TOX3: variants seen among roughly 807,000 people sequenced by gnomAD.
The protein encoded by TOX3 is TOX high mobility group box family member 3.
A neutral mutation model predicts 64.3 loss-of-function variants in TOX3; 22 were observed. The ratio of observed to expected loss-of-function variants is 0.34; its 90% CI spans 0.24 to 0.49. The LOEUF is 0.49. Ranked by LOEUF, TOX3 falls within the 20% of genes least tolerant of loss-of-function variation. The pLI is 0.99. For synonymous variants in TOX3, 291 were observed against 273.6 expected (o/e 1.06, Z -0.63); for missense variants, 661 against 714.4 (o/e 0.93, Z 0.85).
Position 52,439,219 on chromosome 16 carries a change from G to A in TOX3, c.*6C>T. On this transcript the variant is annotated 3_prime_UTR_variant, in exon 7 of 7. Transcript: ENST00000219746. ...GTATACGCAAATCCGTCTGCCATATGCGTCTTCAGAAAATACTGACCTGCG... is the reference window on the plus strand; with the variant it reads ...GTATACGCAAATCCGTCTGCCATATACGTCTTCAGAAAATACTGACCTGCG... 1.2e-6 allele frequency: 2 copies of A among 1,613,790 alleles called. No individual in the cohort carries two copies. The highest frequency in any genetic ancestry group is 1.7e-6 in the Non-Finnish European group (2 of 1,179,822).
intron 1 of TOX3, among the ~76,000 whole-genome samples, chr16:52,539,943 A>T (rs868863029): frequency 6.6e-6 from 1 of 151,828 alleles, no homozygotes; most frequent in African/African-American, 2.4e-5. Flanking sequence ...CTTGATTCAA[A>T]TCCTTCCCAT....
chr16:52,441,284 G>T (rs1453258567), intron 6 of TOX3, among the ~76,000 whole-genome samples: 1 of 152,104 alleles, frequency 6.6e-6, no homozygotes, highest in African/African-American at 2.4e-5. Flanking sequence ...ACCATTATTG[G>T]TTTCCTCAGA....
chr16:52,513,108 A>C (rs549138835), intron 1 of TOX3, among the ~76,000 whole-genome samples: 1 of 152,314 alleles, frequency 6.6e-6, no homozygotes, highest in South Asian at 2.1e-4. Flanking sequence ...GAGCTTAAGA[A>C]AAAAGAAGTC....
chr16:52,478,583 C>T (rs1961284961), intron 1 of TOX3, among the ~76,000 whole-genome samples: 1 of 152,168 alleles, frequency 6.6e-6, no homozygotes, highest in Non-Finnish European at 1.5e-5. Flanking sequence ...GTCCATTTGT[C>T]TAGTTCAATG....
intron 1 of TOX3, among the ~76,000 whole-genome samples, chr16:52,479,723 A>G (rs1250116648): frequency 6.6e-6 from 1 of 152,202 alleles, no homozygotes; most frequent in Non-Finnish European, 1.5e-5. Context: ...ATGGAAAGAT[A>G]TGACATGCAA....
At chr16:52,477,396 C>T (rs3095620) in intron 1 of TOX3, among the ~76,000 whole-genome samples, 100,485 of 152,048 alleles carry the variant, frequency 0.66, 34,570 homozygotes, top group East Asian at 0.87. Context: ...AGCCCACACC[C>T]GAACTTATCA....
intron 1 of TOX3, among the ~76,000 whole-genome samples, chr16:52,529,860 C>T (rs898243103): frequency 1.3e-5 from 2 of 152,128 alleles, no homozygotes; most frequent in African/African-American, 2.4e-5. Context: ...ATGATGTTCA[C>T]GAAACTATTA....
intron 1 of TOX3, among the ~76,000 whole-genome samples, chr16:52,511,039 A>C (rs530260221): frequency 2.6e-5 from 4 of 152,162 alleles, no homozygotes; most frequent in Non-Finnish European, 5.9e-5. Flanking sequence ...AGTGCTTTCA[A>C]GAATGCCTGG....
In TOX3 at chr16:52,547,068, ACGG is replaced by A. The variant is rs975458443; in HGVS notation, c.-348_-346del. ...TTCAGGTGCGCTGGGCGAGGCTGGGACGGCGGCGGCGGCGGCGGCTGGCCCCGC... is the reference window on the plus strand; with the variant it reads ...TTCAGGTGCGCTGGGCGAGGCTGGGACGGCGGCGGCGGCGGCTGGCCCCGC... On this transcript the variant is annotated 5_prime_UTR_variant, in exon 1 of 7. Coordinates refer to ENST00000219746, the MANE Select transcript of TOX3 (RefSeq NM_001080430.4). 492 of 556,668 alleles carry A rather than the reference ACGG, an allele frequency of 8.8e-4. No individual in the cohort carries two copies. Among genetic ancestry groups the A allele is most frequent in the Non-Finnish European group, 1.0e-3 (450 of 440,706 alleles). The allele number at this position is 556,668 out of a possible 1,614,324, so 34.5% of individuals were successfully genotyped here.
At chr16:52,441,136 G>A (rs576681678) in intron 6 of TOX3, among the ~76,000 whole-genome samples, 62 of 152,214 alleles carry the variant, frequency 4.1e-4, no homozygotes, top group African/African-American at 1.1e-3. Flanking sequence ...TTAGGAAAGC[G>A]CCTGGTCCAT....
intron 2 of TOX3, among the ~76,000 whole-genome samples, chr16:52,465,776 A>G (rs1422163918): frequency 6.6e-6 from 1 of 152,198 alleles, no homozygotes; most frequent in Non-Finnish European, 1.5e-5. Flanking sequence ...TGTTATTTGT[A>G]TCTCACCAGA....
chr16:52,538,145 G>C (rs576228870), intron 1 of TOX3, among the ~76,000 whole-genome samples: 43 of 152,236 alleles, frequency 2.8e-4, no homozygotes, highest in Non-Finnish European at 5.9e-4. Context: ...AATAAGGGTT[G>C]AATCTCTCAT....
At chr16:52,507,536 G>A (rs904977940) in intron 1 of TOX3, among the ~76,000 whole-genome samples, 1 of 152,190 alleles carries the variant, frequency 6.6e-6, no homozygotes, top group Non-Finnish European at 1.5e-5. Flanking sequence ...GTATAGGAAG[G>A]CAAACCTTAA....
chr16:52,465,494 A>G (rs1210578601), intron 2 of TOX3, among the ~76,000 whole-genome samples: 2 of 79,938 alleles, frequency 2.5e-5, no homozygotes, highest in Admixed American at 1.7e-4. Context: ...TTTTTTGGTC[A>G]GGTGGAGGGT....
At chr16:52,515,011 CAAAAAAAAAAA>C (rs56746564) in intron 1 of TOX3, among the ~76,000 whole-genome samples, 6 of 15,846 alleles carry the variant, frequency 3.8e-4, no homozygotes, top group Admixed American at 1.3e-3. Context: ...GACTCCATCT[CAAAAAAAAAAA>C]AAAAAAAAAA....
At position 52,501,843 on chromosome 16, in the gene TOX3, C is replaced by T. The variant is rs16951213; in HGVS notation, c.88-33269G>A. 0.01 allele frequency among the ~76,000 whole-genome samples: 1,590 copies of T among 152,252 alleles called. 101 individuals carry two copies. In the East Asian group the frequency reaches 0.2, roughly 20 times the overall value. On this transcript the variant is annotated intron_variant, in intron 1 of 6. Coordinates refer to ENST00000219746, the MANE Select transcript of TOX3 (RefSeq NM_001080430.4). Reference sequence around the variant, plus strand: ...CCTATCGAGAATGGTCTGTAAGAGACAACCATGTCAACAAGTAAAGTTCCT... The same window carrying T: ...CCTATCGAGAATGGTCTGTAAGAGATAACCATGTCAACAAGTAAAGTTCCT...
At chr16:52,485,660 A>T (rs1367994280) in intron 1 of TOX3, among the ~76,000 whole-genome samples, 1 of 152,148 alleles carries the variant, frequency 6.6e-6, no homozygotes, top group Non-Finnish European at 1.5e-5. Context: ...AAATAAAATT[A>T]ACAAAAAAGG....
At position 52,534,390 on chromosome 16, in the gene TOX3, C is replaced by T. The variant is rs186198806; in HGVS notation, c.87+12247G>A. On this transcript the variant is annotated intron_variant, in intron 1 of 6. Transcript: ENST00000219746. ...CAGTGGCTCATGTCTGTAATTCCAA[C>T]TCTTTGCAGGGCCATGGCGAGAGGA... Among the ~76,000 whole-genome samples the T allele has an allele frequency of 2.2e-4, 33 of 152,246 alleles. No homozygotes were observed. In the East Asian group the frequency reaches 6.2e-3, roughly 29 times the overall value.
chr16:52,480,138 T>A (rs1014757700), intron 1 of TOX3, among the ~76,000 whole-genome samples: 8 of 152,200 alleles, frequency 5.3e-5, no homozygotes, highest in Admixed American at 2.6e-4. Context: ...AGGTTCTCAA[T>A]TGATAATGCA....
Sources: gnomAD v4.1 joint callset for allele counts (sites outside exome capture counted in the v4.1 genomes callset) on GRCh38, gnomAD v4.1.1 for gene constraint, MANE v1.5 for transcripts, NCBI Gene and HGNC (gene_info 2026-07-23, HGNC 2026-07-21) for gene names.